SLIT2: variants seen among roughly 807,000 people sequenced by gnomAD.
SLIT2 encodes slit guidance ligand 2.
Under a neutral mutation model 185.7 loss-of-function variants are expected in SLIT2, and 41 were observed. The ratio of observed to expected loss-of-function variants is 0.22; its 90% CI spans 0.17 to 0.29. SLIT2 has a LOEUF of 0.29. Among genes scored for constraint, SLIT2 ranks in the 10% least tolerant of loss-of-function variants. The probability of loss-of-function intolerance (pLI) is 1.00; values close to 1 mark genes in which losing one functional copy is unlikely to be tolerated. For missense variants in SLIT2, 1,571 were observed against 1,909.0 expected (o/e 0.82, Z 3.30); for synonymous variants, 693 against 680.2 (o/e 1.02, Z -0.29).
At chr4:20,399,882 CA>C (rs761566193) in intron 4 of SLIT2, among the ~76,000 whole-genome samples, 1 of 151,604 alleles carries the variant, frequency 6.6e-6, no homozygotes, top group Non-Finnish European at 1.5e-5. Flanking sequence ...CCCAGGTAGA[CA>C]GTAGAGTGTC....
At chr4:20,414,914 T>C (rs1318161889) in intron 4 of SLIT2, among the ~76,000 whole-genome samples, 1 of 152,196 alleles carries the variant, frequency 6.6e-6, no homozygotes, top group African/African-American at 2.4e-5. Context: ...TTTATATTTT[T>C]CATCAAATTT....
chr4:20,477,089 G>A (rs773596686), intron 5 of SLIT2, among the ~76,000 whole-genome samples: 3 of 150,546 alleles, frequency 2.0e-5, no homozygotes, highest in East Asian at 1.9e-4. Context: ...ATTTACCAGC[G>A]CTGGTAAAAA....
At chr4:20,382,707 C>T (rs141979141) in intron 4 of SLIT2, among the ~76,000 whole-genome samples, 4 of 152,166 alleles carry the variant, frequency 2.6e-5, no homozygotes, top group Non-Finnish European at 5.9e-5. Flanking sequence ...AGACTCAATA[C>T]TGTATCAGTT....
chr4:20,467,916 G>GA (rs1714536338), intron 5 of SLIT2, 93 bp downstream of exon 5: 8 of 630,986 alleles, frequency 1.3e-5, no homozygotes. Flanking sequence ...AAGAAATGGT[G>GA]AAAACCCTGT....
chr4:20,287,421 T>C (rs1473623114), intron 4 of SLIT2, among the ~76,000 whole-genome samples: 1 of 152,176 alleles, frequency 6.6e-6, no homozygotes, highest in Admixed American at 6.5e-5. Flanking sequence ...TTCCTGCTCC[T>C]TCACTGCCTG....
chr4:20,608,390 G>C (rs1053527322), intron 33 of SLIT2, among the ~76,000 whole-genome samples: 2 of 152,104 alleles, frequency 1.3e-5, no homozygotes, highest in Non-Finnish European at 2.9e-5. Context: ...TCTTAGAAGA[G>C]AGTCATATTT....
chr4:20,275,772 A>G (rs1357098500), intron 4 of SLIT2, among the ~76,000 whole-genome samples: 1 of 152,200 alleles, frequency 6.6e-6, no homozygotes, highest in East Asian at 1.9e-4. Context: ...ATTCATCTAT[A>G]AAATAAATTA....
At chr4:20,443,896 G>A (rs995902654) in intron 4 of SLIT2, among the ~76,000 whole-genome samples, 1 of 152,184 alleles carries the variant, frequency 6.6e-6, no homozygotes, top group African/African-American at 2.4e-5. Context: ...AGAGATTCAA[G>A]GAGGAGAAAG....
intron 29 of SLIT2, among the ~76,000 whole-genome samples, chr4:20,585,360 G>A (rs1266390848): frequency 6.6e-6 from 1 of 152,100 alleles, no homozygotes; most frequent in Non-Finnish European, 1.5e-5. Flanking sequence ...AGAATCATAA[G>A]GAAAATTAAT....
chr4:20,614,898 C>T (rs1034781449), intron 34 of SLIT2: 12 of 152,018 alleles, frequency 7.9e-5, no homozygotes, highest in East Asian at 1.9e-4. Flanking sequence ...CTCAAATATA[C>T]GTATGATGTC....
intron 26 of SLIT2, among the ~76,000 whole-genome samples, chr4:20,558,583 G>C (rs755577703): frequency 6.6e-6 from 1 of 151,874 alleles, no homozygotes; most frequent in Non-Finnish European, 1.5e-5. Context: ...ACTTTATTGC[G>C]GTAGTCTGGA....
In SLIT2 at chr4:20,617,091, T is replaced by G; in HGVS notation, c.4029T>G (p.His1343Gln). ...CEPCHKKVCA[H>Q]GTCQPSSQAG... ...CATGCCACAAGAAGGTGTGTGCCCA[T>G]GGCACATGCCAGCCCAGCAGCCAGG... The change falls in exon 35 of 37, where the codon CAT (histidine) becomes CAG (glutamine). Residue 1343 changes from histidine (H) to glutamine (Q), a missense_variant. By Grantham distance (24) the His-to-Gln change is conservative. This residue lies in a region of SLIT2 where 223 missense variants were observed against 245.2 expected (regional missense o/e 0.91). Transcript: ENST00000504154. 1 of 1,613,890 alleles carries G rather than the reference T, an allele frequency of 6.2e-7. No homozygotes were observed. The highest frequency in any genetic ancestry group is 1.6e-4 in the Middle Eastern group (1 of 6,062).
chr4:20,274,080 C>T lies in SLIT2; in HGVS notation c.395+5199C>T, dbSNP rs189259098. Among the ~76,000 whole-genome samples, 153 of 152,242 alleles carry T rather than the reference C, an allele frequency of 1.0e-3. 2 individuals are homozygous for T. The highest frequency in any genetic ancestry group is 3.5e-3 in the African/African-American group (145 of 41,522). ...CTTCATGTGCTAAGGGTGAAAGTTC[C>T]GTCGAAGGTGGCGTCTGTGTTCTAA... On this transcript the variant is annotated intron_variant, in intron 4 of 36. Transcript: ENST00000504154.
intron 4 of SLIT2, among the ~76,000 whole-genome samples, chr4:20,356,075 A>G (rs1722299159): frequency 6.6e-6 from 1 of 152,204 alleles, no homozygotes. Context: ...AGATCTTTTA[A>G]TCATTCAGTG....
At chr4:20,616,868 A>T in intron 34 of SLIT2, 42 bp from the exon 35 acceptor site, 1 of 1,537,576 alleles carries the variant, frequency 6.5e-7, no homozygotes, top group Non-Finnish European at 8.8e-7. Flanking sequence ...TGGCTCAGAA[A>T]TCCCCAGAGA....
At chr4:20,260,474 C>A (rs1357792656) in intron 3 of SLIT2, among the ~76,000 whole-genome samples, 1 of 151,554 alleles carries the variant, frequency 6.6e-6, no homozygotes, top group Non-Finnish European at 1.5e-5. Context: ...AAAATAAAAA[C>A]ATTAATTTTA....
chr4:20,470,749 T>C (rs1714903112), intron 5 of SLIT2, among the ~76,000 whole-genome samples: 2 of 152,050 alleles, frequency 1.3e-5, no homozygotes, highest in African/African-American at 4.8e-5. Flanking sequence ...CTAATTTTTG[T>C]ATTTTTAGTA....
At chr4:20,401,235 C>T (rs1029936672) in intron 4 of SLIT2, among the ~76,000 whole-genome samples, 4 of 151,982 alleles carry the variant, frequency 2.6e-5, no homozygotes, top group African/African-American at 4.8e-5. Flanking sequence ...ACCACAAGGA[C>T]ACTGTCTTGA....
intron 4 of SLIT2, among the ~76,000 whole-genome samples, chr4:20,423,004 G>A (rs1249916370): frequency 2.6e-5 from 4 of 151,968 alleles, no homozygotes; most frequent in Admixed American, 2.6e-4. Flanking sequence ...TTTATTTCTT[G>A]TTCCTTAAGT....
Sources: allele counts gnomAD v4.1 joint callset (sites outside exome capture counted in the v4.1 genomes callset), GRCh38; gene constraint gnomAD v4.1.1; regional missense constraint gnomAD v4.1.1; transcripts MANE v1.5; gene names NCBI Gene and HGNC (gene_info 2026-07-23, HGNC 2026-07-21).